The following PLCB1 variants were observed in gnomAD, a reference collection of about 807,000 sequenced individuals.
PLCB1 encodes 1-phosphatidylinositol 4,5-bisphosphate phosphodiesterase beta-1.
Under a neutral mutation model 161.8 loss-of-function variants are expected in PLCB1, and 46 were observed. The observed-to-expected ratio is 0.28, with a 90% CI of 0.22 to 0.36. The LOEUF (loss-of-function observed/expected upper bound fraction) is 0.36. PLCB1 is among the 10% of genes least tolerant of loss of function. The pLI is 1.00. For synonymous variants in PLCB1, 517 were observed against 503.7 expected, an observed-to-expected ratio of 1.03 and a Z score of -0.35; for missense variants, 1,016 against 1,472.5, an observed-to-expected ratio of 0.69 and a Z score of 5.07.
At chr20:8,856,435 A>G (rs577638864) in intron 31 of PLCB1, among the ~76,000 whole-genome samples, 33 of 151,954 alleles carry the variant, frequency 2.2e-4, no homozygotes, top group Non-Finnish European at 4.3e-4. Flanking sequence ...GGCCAACATG[A>G]TAAAACCCTG....
intron 7 of PLCB1, chr20:8,651,576 C>A: frequency 1.4e-6 from 1 of 705,866 alleles, no homozygotes; most frequent in Non-Finnish European, 2.6e-6. Context: ...CAATTAAGGT[C>A]CTGTCCCCGA....
At chr20:8,761,614 G>T (rs1982034689) in intron 25 of PLCB1, among the ~76,000 whole-genome samples, 1 of 152,082 alleles carries the variant, frequency 6.6e-6, no homozygotes, top group African/African-American at 2.4e-5. Flanking sequence ...CACCTCCCGG[G>T]TTCAAGCAAT....
chr20:8,528,205 T>C (rs1361681273), intron 3 of PLCB1, among the ~76,000 whole-genome samples: 1 of 152,014 alleles, frequency 6.6e-6, no homozygotes, highest in African/African-American at 2.4e-5. Flanking sequence ...TTTCTACCAA[T>C]GTAAATGAAG....
At chr20:8,722,312 G>T in intron 14 of PLCB1, 42 bp from the exon 15 acceptor site, 2 of 1,458,498 alleles carry the variant, frequency 1.4e-6, no homozygotes, top group Non-Finnish European at 1.9e-6. Context: ...AAAGCTAAAT[G>T]TTGAAATGGT....
intron 9 of PLCB1, among the ~76,000 whole-genome samples, chr20:8,678,503 C>G (rs2123381099): frequency 6.6e-6 from 1 of 152,278 alleles, no homozygotes; most frequent in Non-Finnish European, 1.5e-5. Context: ...TTTCTATTAA[C>G]CATCCTAGTA....
intron 3 of PLCB1, among the ~76,000 whole-genome samples, chr20:8,523,465 GCTCTCTCTCTCTCT>G (rs1174973173): frequency 4.1e-5 from 2 of 48,796 alleles, no homozygotes; most frequent in Non-Finnish European, 7.2e-5. Context: ...TATATATTTG[GCTCTCTCTCTCTCT>G]CTCTCTCTCT....
intron 2 of PLCB1, among the ~76,000 whole-genome samples, chr20:8,241,949 T>A (rs1980635122): frequency 6.6e-6 from 1 of 151,932 alleles, no homozygotes; most frequent in Non-Finnish European, 1.5e-5. Flanking sequence ...ACACACATGC[T>A]TTCACTGGGT....
At chr20:8,623,629 T>C (rs1988247083) in intron 3 of PLCB1, among the ~76,000 whole-genome samples, 1 of 152,182 alleles carries the variant, frequency 6.6e-6, no homozygotes, top group Non-Finnish European at 1.5e-5. Context: ...CTGTTCTCCT[T>C]CTACTCCCTC....
chr20:8,163,421 C>T (rs1216826353), intron 2 of PLCB1, among the ~76,000 whole-genome samples: 1 of 152,188 alleles, frequency 6.6e-6, no homozygotes. Flanking sequence ...GACATAGATG[C>T]AGCTGGAAGC....
chr20:8,145,673 G>A (rs781579617), intron 1 of PLCB1, among the ~76,000 whole-genome samples: 1 of 152,206 alleles, frequency 6.6e-6, no homozygotes, highest in Non-Finnish European at 1.5e-5. Flanking sequence ...AAATCTCCCT[G>A]TTAAAGAGTG....
At chr20:8,469,639 C>T (rs1397142958) in intron 3 of PLCB1, among the ~76,000 whole-genome samples, 4 of 152,048 alleles carry the variant, frequency 2.6e-5, no homozygotes, top group Non-Finnish European at 4.4e-5. Context: ...AGAGAGAAAA[C>T]AGTGACCAAA....
At chr20:8,526,499 G>A (rs1984590713) in intron 3 of PLCB1, among the ~76,000 whole-genome samples, 1 of 152,044 alleles carries the variant, frequency 6.6e-6, no homozygotes, top group African/African-American at 2.4e-5. Flanking sequence ...TGGGTTAAAT[G>A]GTGTCCAGCT....
chr20:8,305,718 A>C (rs1274276684), intron 2 of PLCB1: 1 of 152,244 alleles, frequency 6.6e-6, no homozygotes, highest in Non-Finnish European at 1.5e-5. Context: ...CCACAAGGTT[A>C]GTTCCCTGAA....
At position 8,539,693 on chromosome 20, in the gene PLCB1, TTTCC is replaced by T. The variant is rs11471768; in HGVS notation, c.247-88586_247-88583del. On this transcript the variant is annotated intron_variant, in intron 3 of 31. Transcript: ENST00000338037. ...CTTTCTTTCTTTCTTTCTTTTTCTTTTTCCTTCCTTCCTTCCTTTCTTTTCCTTT... is the reference window on the plus strand; with the variant it reads ...CTTTCTTTCTTTCTTTCTTTTTCTTTTTCCTTCCTTCCTTTCTTTTCCTTT... Among the ~76,000 whole-genome samples, 3 of 101,096 alleles carry T rather than the reference TTTCC, an allele frequency of 3.0e-5. 1 individual carries two copies. The highest frequency in any genetic ancestry group is 2.1e-4 in the Admixed American group (2 of 9,336). 66.3% of individuals were successfully genotyped at this position (101,096 alleles called of 152,430 possible). A position where few individuals can be genotyped will look rare whatever the true frequency, so the allele number is the denominator to read the frequency against.
chr20:8,626,949 C>CT lies in PLCB1; in HGVS notation c.247-1339dup, dbSNP rs527638503. ...TAATGGTAGAGTGCTAAATGTTTCCCTTTTTTGCTATTATTGTTTATTTAA... is the reference window on the plus strand; with the variant it reads ...TAATGGTAGAGTGCTAAATGTTTCCCTTTTTTTGCTATTATTGTTTATTTAA... On this transcript the variant is annotated intron_variant, in intron 3 of 31. Coordinates refer to ENST00000338037, the MANE Select transcript of PLCB1 (RefSeq NM_015192.4). 2.0e-3 allele frequency among the ~76,000 whole-genome samples: 311 copies of CT among 152,218 alleles called. 3 individuals are homozygous for CT. The highest frequency in any genetic ancestry group is 6.8e-3 in the African/African-American group (281 of 41,522).
intron 4 of PLCB1, among the ~76,000 whole-genome samples, chr20:8,643,969 A>G (rs1989050952): frequency 2.0e-5 from 3 of 151,960 alleles, no homozygotes. Flanking sequence ...TGGTTTTCGT[A>G]TTTTTTTGGT....
rs116865148 is a variant in PLCB1, at chr20:8,727,765, A to G, written c.1763+372A>G. 6.0e-3 allele frequency among the ~76,000 whole-genome samples: 919 copies of G among 152,164 alleles called. 42 individuals carry two copies. In the East Asian group the frequency reaches 0.12, roughly 20 times the overall value. On this transcript the variant is annotated intron_variant, in intron 17 of 31. Coordinates refer to ENST00000338037, the MANE Select transcript of PLCB1 (RefSeq NM_015192.4). ...TAACATGAGTGTGCATACTTTACAC[A>G]TATATAAGATATATGTAAAGAAATA...
chr20:8,606,846 G>T (rs1039863399), intron 3 of PLCB1, among the ~76,000 whole-genome samples: 1 of 152,092 alleles, frequency 6.6e-6, no homozygotes, highest in Non-Finnish European at 1.5e-5. Flanking sequence ...GTATTTCAAG[G>T]TCTTTCTTAA....
chr20:8,698,780 G>A (rs1218592997), intron 11 of PLCB1, among the ~76,000 whole-genome samples: 1 of 152,058 alleles, frequency 6.6e-6, no homozygotes, highest in Non-Finnish European at 1.5e-5. Context: ...CCTATGAGAG[G>A]GTATCTTAGT....
Sources: allele counts gnomAD v4.1 joint callset (sites outside exome capture counted in the v4.1 genomes callset), GRCh38; gene constraint gnomAD v4.1.1; transcripts MANE v1.5; gene names NCBI Gene and HGNC (gene_info 2026-07-23, HGNC 2026-07-21).